Variants in DACH1 observed in about 807,000 individuals in gnomAD.
DACH1 encodes the protein dachshund homolog 1.
In DACH1, 12 loss-of-function variants were observed where a neutral mutation model predicts 54.2. That is an observed-to-expected ratio of 0.22 (90% CI 0.14 to 0.36). DACH1 has a LOEUF of 0.36. DACH1 is among the 10% of genes least tolerant of loss of function. The pLI is 1.00. For synonymous variants in DACH1, 386 were observed against 366.2 expected (o/e 1.05, Z -0.62); for missense variants, 805 against 929.8 (o/e 0.87, Z 1.75).
chr13:71,836,201 G>C (rs1423066119), intron 1 of DACH1, among the ~76,000 whole-genome samples: 1 of 151,676 alleles, frequency 6.6e-6, no homozygotes, highest in Non-Finnish European at 1.5e-5. Flanking sequence ...GAGTATTCTA[G>C]ATATTTCTCA....
intron 4 of DACH1, among the ~76,000 whole-genome samples, chr13:71,563,073 G>A (rs1884689345): frequency 6.6e-6 from 1 of 151,966 alleles, no homozygotes; most frequent in Non-Finnish European, 1.5e-5. Context: ...TAGAAGCATA[G>A]TTTGTCTAAG....
At chr13:71,763,740 C>T (rs866623091) in intron 1 of DACH1, among the ~76,000 whole-genome samples, 10 of 152,246 alleles carry the variant, frequency 6.6e-5, no homozygotes, top group African/African-American at 2.4e-4. Context: ...AATTAGTAAA[C>T]CTTTTAATCG....
intron 2 of DACH1, among the ~76,000 whole-genome samples, chr13:71,636,609 A>G (rs905213996): frequency 6.6e-6 from 1 of 150,486 alleles, no homozygotes; most frequent in African/African-American, 2.4e-5. Context: ...ATGGATTGAG[A>G]AAGGTTTCTT....
chr13:71,505,986 T>C (rs757311911), intron 6 of DACH1, among the ~76,000 whole-genome samples: 8 of 152,236 alleles, frequency 5.3e-5, no homozygotes, highest in Non-Finnish European at 8.8e-5. Context: ...GCAGATTTTG[T>C]TCCTTCATCC....
At chr13:71,690,451 C>A (rs17088403) in intron 1 of DACH1, among the ~76,000 whole-genome samples, 14,356 of 152,050 alleles carry the variant, frequency 0.094, 1,611 homozygotes, top group East Asian at 0.26. Context: ...ACCCACAACA[C>A]CTCTCTTTTA....
At chr13:71,614,446 T>A (rs1875599613) in intron 3 of DACH1, among the ~76,000 whole-genome samples, 1 of 151,886 alleles carries the variant, frequency 6.6e-6, no homozygotes, top group Non-Finnish European at 1.5e-5. Context: ...ATTATGCACA[T>A]GGAGGAAAAA....
In DACH1 at chr13:71,572,857, C is replaced by T. The variant is rs779562963; in HGVS notation, c.1282G>A (p.Glu428Lys). 5 of 1,612,542 alleles carry T rather than the reference C, an allele frequency of 3.1e-6. No homozygotes were observed. Among genetic ancestry groups the T allele is most frequent in the Non-Finnish European group, 4.2e-6 (5 of 1,179,386 alleles). The change falls in exon 4 of 11, where the codon GAG becomes AAG. Residue 428 changes from glutamate (E) to lysine (K), a missense_variant. By Grantham distance (56) the Glu-to-Lys change is moderately conservative. Transcript: ENST00000613252. ...AQVQSPPSRV[E>K]TSVIKERVPD... ...AGAATTACCTTAATAACTGATGTCT[C>T]AACTCTGGATGGGGGACTCTGAACT... is the stretch of plus-strand genomic sequence containing the variant.
intron 2 of DACH1, among the ~76,000 whole-genome samples, chr13:71,673,613 G>A (rs1049112825): frequency 6.6e-6 from 1 of 151,942 alleles, no homozygotes; most frequent in Admixed American, 6.6e-5. Flanking sequence ...CCTGTTGGGG[G>A]GTGTGGGGCT....
intron 1 of DACH1, among the ~76,000 whole-genome samples, chr13:71,821,954 G>T (rs571251077): frequency 6.6e-6 from 1 of 151,976 alleles, no homozygotes; most frequent in Admixed American, 6.6e-5. Context: ...CCAGCTACTC[G>T]GGAGGCTGAG....
intron 1 of DACH1, among the ~76,000 whole-genome samples, chr13:71,786,655 C>T (rs574265941): frequency 5.9e-5 from 9 of 152,154 alleles, no homozygotes; most frequent in Admixed American, 5.2e-4. Flanking sequence ...AGAAAGGACA[C>T]AAATTAACAA....
chr13:71,849,169 T>TA (rs1211849800), intron 1 of DACH1, among the ~76,000 whole-genome samples: 1 of 152,222 alleles, frequency 6.6e-6, no homozygotes, highest in Non-Finnish European at 1.5e-5. Flanking sequence ...GCTAACGCTT[T>TA]AAAAAACTGA....
chr13:71,438,484 C>T lies in DACH1; in HGVS notation c.*2171G>A, dbSNP rs1873708725. 1 of 152,426 alleles carries T rather than the reference C, an allele frequency of 6.6e-6. No homozygotes were observed. The highest frequency in any genetic ancestry group is 2.1e-4 in the South Asian group (1 of 4,834). 9.4% of individuals were successfully genotyped at this position (152,426 alleles called of 1,614,324 possible). On this transcript the variant is annotated 3_prime_UTR_variant, in exon 11 of 11. Transcript: ENST00000613252. ...GTTAGTAAGAGTCTCTCTTAACATA[C>T]AGCTGATAGCTTTTTTCTTTAATCC...
chr13:71,673,713 A>G (rs1880358850), intron 2 of DACH1, among the ~76,000 whole-genome samples: 1 of 152,148 alleles, frequency 6.6e-6, no homozygotes. Flanking sequence ...TACCTATGTA[A>G]CAAACCGGCA....
In DACH1 at chr13:71,643,703, C is replaced by T. The variant is rs543080211; in HGVS notation, c.965-12986G>A. 5.3e-5 allele frequency among the ~76,000 whole-genome samples: 8 copies of T among 152,208 alleles called. No homozygotes were observed. The South Asian group carries it at 1.5e-3, about 28-fold the overall frequency. On this transcript the variant is annotated intron_variant, in intron 2 of 10. Coordinates refer to ENST00000613252, the MANE Select transcript of DACH1 (RefSeq NM_080759.6). Reference sequence around the variant, plus strand: ...CTGGTAATAAATGAACCTTTATTGCCTCAGGCATTGGCCTAGTTAATAAAC... The same window carrying T: ...CTGGTAATAAATGAACCTTTATTGCTTCAGGCATTGGCCTAGTTAATAAAC...
At chr13:71,441,937 T>C (rs1874041231) in intron 10 of DACH1, among the ~76,000 whole-genome samples, 1 of 152,056 alleles carries the variant, frequency 6.6e-6, no homozygotes, top group Non-Finnish European at 1.5e-5. Flanking sequence ...GCATATATTA[T>C]ATTTATGGGA....
chr13:71,526,884 T>C (rs1882004926), intron 6 of DACH1, among the ~76,000 whole-genome samples: 1 of 151,878 alleles, frequency 6.6e-6, no homozygotes, highest in African/African-American at 2.4e-5. Flanking sequence ...GAAGTCTTCC[T>C]GAGCTGTCTC....
chr13:71,552,830 TATATATATATATAGAG>T (rs1418196564), intron 6 of DACH1, among the ~76,000 whole-genome samples: 50 of 42,824 alleles, frequency 1.2e-3, no homozygotes, highest in East Asian at 4.5e-3. Flanking sequence ...TATATATATA[TATATATATATATAGAG>T]AGAGAGAGAG....
chr13:71,492,919 G>A (rs1012731741), intron 6 of DACH1, among the ~76,000 whole-genome samples: 2 of 151,874 alleles, frequency 1.3e-5, no homozygotes, highest in South Asian at 2.1e-4. Flanking sequence ...TGAAGAATAC[G>A]ATGATTTAAT....
chr13:71,552,324 A>G (rs1883869307), intron 6 of DACH1, among the ~76,000 whole-genome samples: 1 of 152,128 alleles, frequency 6.6e-6, no homozygotes, highest in Non-Finnish European at 1.5e-5. Flanking sequence ...GGTATGCAAC[A>G]GTTAGTCACA....
Sources: gnomAD v4.1 joint callset for allele counts (sites outside exome capture counted in the v4.1 genomes callset) on GRCh38, gnomAD v4.1.1 for gene constraint, MANE v1.5 for transcripts, NCBI Gene and HGNC (gene_info 2026-07-23, HGNC 2026-07-21) for gene names.